C10orf67: variants seen among roughly 807,000 people sequenced by gnomAD.
The protein encoded by C10orf67 is uncharacterized protein C10orf67, mitochondrial.
In C10orf67, 60 loss-of-function variants were observed where a neutral mutation model predicts 35.6. The ratio of observed to expected loss-of-function variants is 1.68; its 90% CI spans 1.37 to 2.09. The LOEUF (loss-of-function observed/expected upper bound fraction) is 2.09. C10orf67 is among the 30% of genes most tolerant of loss of function. The pLI is 0.00. For missense variants in C10orf67, 474 were observed against 330.2 expected, an observed-to-expected ratio of 1.44 and a Z score of -3.38; for synonymous variants, 167 against 115.8, an observed-to-expected ratio of 1.44 and a Z score of -2.84.
chr10:23,297,504 C>T (rs1843927659), intron 5 of C10orf67, among the ~76,000 whole-genome samples: 1 of 152,166 alleles, frequency 6.6e-6, no homozygotes, highest in Admixed American at 6.5e-5. Context: ...ATTAGTTTTA[C>T]CAGCTGAGCA....
intron 5 of C10orf67, among the ~76,000 whole-genome samples, chr10:23,302,842 G>GA (rs895438681): frequency 6.6e-6 from 1 of 152,158 alleles, no homozygotes; most frequent in African/African-American, 2.4e-5. Flanking sequence ...AAACTGAGGG[G>GA]AAAATCCTCT....
At chr10:23,244,379 T>C (rs12242101) in intron 12 of C10orf67, among the ~76,000 whole-genome samples, 5,096 of 152,216 alleles carry the variant, frequency 0.033, 260 homozygotes, top group African/African-American at 0.12. Flanking sequence ...AATCAATGAG[T>C]TAGGCTTCCT....
Position 23,293,980 on chromosome 10 carries a change from G to A in C10orf67, c.703-2701C>T, listed in dbSNP as rs907558623. Among the ~76,000 whole-genome samples, 4 of 152,338 alleles carry A rather than the reference G, an allele frequency of 2.6e-5. No homozygotes were observed. The East Asian group carries it at 7.7e-4, about 29-fold the overall frequency. On this transcript the variant is annotated intron_variant, in intron 5 of 15. Coordinates refer to ENST00000636213, the MANE Select transcript of C10orf67 (RefSeq NM_001371909.1). Reference sequence around the variant, plus strand: ...CGAGATCTGCAGGTGATGCATGTGAGCAGTAAAGTCTGAGAAGTCCTGCTT... The same window carrying A: ...CGAGATCTGCAGGTGATGCATGTGAACAGTAAAGTCTGAGAAGTCCTGCTT...
chr10:23,235,612 A>G (rs1232844348), intron 13 of C10orf67, among the ~76,000 whole-genome samples: 1 of 152,194 alleles, frequency 6.6e-6, no homozygotes, highest in Non-Finnish European at 1.5e-5. Flanking sequence ...TTACGACACT[A>G]CTGAACTGTA....
intron 13 of C10orf67, among the ~76,000 whole-genome samples, chr10:23,234,034 T>C (rs149818256): frequency 5.9e-5 from 9 of 152,308 alleles, no homozygotes; most frequent in Admixed American, 3.3e-4. Flanking sequence ...AACTAAAATC[T>C]AGTCATGTTA....
At chr10:23,285,755 A>C (rs947213303) in intron 7 of C10orf67, among the ~76,000 whole-genome samples, 3 of 152,368 alleles carry the variant, frequency 2.0e-5, no homozygotes, top group African/African-American at 7.2e-5. Flanking sequence ...AATATACAGA[A>C]AGGTTTTCCA....
intron 13 of C10orf67, among the ~76,000 whole-genome samples, chr10:23,225,603 G>A (rs1469673746): frequency 6.6e-6 from 1 of 152,190 alleles, no homozygotes; most frequent in Non-Finnish European, 1.5e-5. Flanking sequence ...AGACCCATCA[G>A]TGTGCTGCAT....
At chr10:23,227,536 A>G (rs1014317810) in intron 13 of C10orf67, among the ~76,000 whole-genome samples, 5 of 152,222 alleles carry the variant, frequency 3.3e-5, no homozygotes, top group African/African-American at 1.2e-4. Flanking sequence ...ACAAGACAGG[A>G]ATGCCTTCTC....
At chr10:23,219,019 A>G (rs1841506604) in intron 15 of C10orf67, among the ~76,000 whole-genome samples, 1 of 152,228 alleles carries the variant, frequency 6.6e-6, no homozygotes, top group Admixed American at 6.5e-5. Context: ...GGGCAACTGA[A>G]CTTCACTTTC....
chr10:23,306,298 G>A (rs1844275968), intron 4 of C10orf67, among the ~76,000 whole-genome samples: 1 of 152,050 alleles, frequency 6.6e-6, no homozygotes, highest in Non-Finnish European at 1.5e-5. Flanking sequence ...GCCCTAGGCG[G>A]GCAAATCATC....
chr10:23,235,585 T>G (rs893161340), intron 13 of C10orf67, among the ~76,000 whole-genome samples: 2 of 152,148 alleles, frequency 1.3e-5, no homozygotes, highest in African/African-American at 4.8e-5. Flanking sequence ...TGGAATTTGG[T>G]TGAACAATTT....
At chr10:23,308,435 C>A (rs112769840) in intron 4 of C10orf67, among the ~76,000 whole-genome samples, 116 of 152,302 alleles carry the variant, frequency 7.6e-4, no homozygotes, top group African/African-American at 2.8e-3. Flanking sequence ...AAAACGGCAG[C>A]CTTCATGATC....
At chr10:23,310,250 A>G (rs550214127) in intron 4 of C10orf67, among the ~76,000 whole-genome samples, 1 of 152,352 alleles carries the variant, frequency 6.6e-6, no homozygotes, top group Non-Finnish European at 1.5e-5. Flanking sequence ...GGAAGAAAGC[A>G]AAAACCAAAA....
chr10:23,317,097 G>A (rs1263658195), intron 4 of C10orf67: 1 of 152,400 alleles, frequency 6.6e-6, no homozygotes, highest in Non-Finnish European at 1.5e-5. Flanking sequence ...GACACCTGCA[G>A]GCCTGTGCTG....
chr10:23,305,477 A>T (rs1018670309), intron 4 of C10orf67, among the ~76,000 whole-genome samples: 1 of 152,146 alleles, frequency 6.6e-6, no homozygotes, highest in Non-Finnish European at 1.5e-5. Context: ...CTTCTGTAAA[A>T]TTTTTTTAAA....
chr10:23,294,602 G>A (rs1843822691), intron 5 of C10orf67, among the ~76,000 whole-genome samples: 1 of 152,170 alleles, frequency 6.6e-6, no homozygotes. Flanking sequence ...CATTCAGGAT[G>A]TTCCCATCTG....
chr10:23,317,347 G>T (rs919581258), intron 4 of C10orf67: 7 of 152,262 alleles, frequency 4.6e-5, no homozygotes, highest in African/African-American at 1.7e-4. Context: ...GAGCAGGGGG[G>T]CTTCCTAGGC....
intron 15 of C10orf67, among the ~76,000 whole-genome samples, chr10:23,215,136 T>C (rs1169655841): frequency 6.6e-6 from 1 of 152,120 alleles, no homozygotes; most frequent in African/African-American, 2.4e-5. Flanking sequence ...GTAGATCAAA[T>C]GGATTGTCTA....
chr10:23,344,739 G>A lies in C10orf67; in HGVS notation c.36C>T (p.Val12=). 2 of 1,571,532 alleles carry A rather than the reference G, an allele frequency of 1.3e-6. No individual in the cohort carries two copies. The highest frequency in any genetic ancestry group is 1.7e-4 in the Middle Eastern group (1 of 5,996). The part of the protein sequence containing the change: ...ALVRDRRAHY[V]MSIVIRWVHC... ...GAACCCATCTAATAACTATGCTCAT[G>A]ACATAATGAGCCCTGCGATCCCGGA... Residue 12 remains valine, a synonymous_variant, in exon 1 of 16, where the codon GTC becomes GTT. Transcript: ENST00000636213.
Sources: allele counts gnomAD v4.1 joint callset (sites outside exome capture counted in the v4.1 genomes callset), GRCh38; gene constraint gnomAD v4.1.1; transcripts MANE v1.5; gene names NCBI Gene and HGNC (gene_info 2026-07-23, HGNC 2026-07-21).